SPG7: variants seen among roughly 807,000 people sequenced by gnomAD.
SPG7 encodes the protein SPG7 matrix AAA peptidase subunit, paraplegin, also known as mitochondrial inner membrane m-AAA protease component paraplegin.
SPG7 carries 103 observed loss-of-function variants against 81.9 expected under a neutral mutation model. That is an observed-to-expected ratio of 1.26 (90% CI 1.07 to 1.48). The LOEUF (loss-of-function observed/expected upper bound fraction) is 1.48. SPG7 is among the 40% of genes most tolerant of loss of function. SPG7 has a pLI of 0.00. For synonymous variants in SPG7, 534 were observed against 444.2 expected, an observed-to-expected ratio of 1.20 and a Z score of -2.54; for missense variants, 1,241 against 1,087.3, an observed-to-expected ratio of 1.14 and a Z score of -1.99.
At chr16:89,532,149 T>C in intron 8 of SPG7, 83 bp downstream of exon 8, 1 of 1,456,470 alleles carries the variant, frequency 6.9e-7, no homozygotes, top group Non-Finnish European at 9.5e-7. Flanking sequence ...GTGTCTGGAC[T>C]GAAAGGGACA....
intron 4 of SPG7, among the ~76,000 whole-genome samples, chr16:89,524,635 G>A (rs529180342): frequency 6.6e-6 from 1 of 151,964 alleles, no homozygotes; most frequent in Non-Finnish European, 1.5e-5. Flanking sequence ...GTAGAGATGG[G>A]GTTTCTCCAT....
intron 2 of SPG7, among the ~76,000 whole-genome samples, chr16:89,511,080 A>G (rs1267935224): frequency 2.6e-5 from 4 of 152,150 alleles, no homozygotes; most frequent in Non-Finnish European, 1.5e-5. Context: ...TCAAGCGATC[A>G]GCCTGCCTTG....
intron 5 of SPG7, chr16:89,529,158 A>G (rs1260654129): frequency 2.5e-6 from 1 of 392,410 alleles, no homozygotes; most frequent in African/African-American, 2.1e-5. Flanking sequence ...GCCTGATTGA[A>G]GCTGATCGCT....
chr16:89,542,885 T>TTCTTACATTAGTCACGGTAGATCCTGC (rs1567924332), intron 9 of SPG7: 6 of 151,060 alleles, frequency 4.0e-5, no homozygotes, highest in Admixed American at 6.6e-5. Flanking sequence ...TATTAAGGGT[T>TTCTTACATTAGTCACGGTAGATCCTGC]TCTTACATTA....
At chr16:89,556,444 A>G (rs1369670280) in intron 16 of SPG7, 19 of 304,708 alleles carry the variant, frequency 6.2e-5, no homozygotes, top group Non-Finnish European at 9.8e-5. Context: ...CGGTGTCTCA[A>G]GTGTTTTCCA....
chr16:89,537,706 A>C (rs1178686663), intron 9 of SPG7: 1 of 984,864 alleles, frequency 1.0e-6, no homozygotes, highest in Non-Finnish European at 1.2e-6. Flanking sequence ...TGAAAAATAA[A>C]GTCATCAGCA....
At chr16:89,545,966 G>C (rs980244042) in intron 10 of SPG7, 1 of 446,868 alleles carries the variant, frequency 2.2e-6, no homozygotes, top group Non-Finnish European at 4.5e-6. Flanking sequence ...TGAGGAGCTA[G>C]GACTACTATG....
chr16:89,532,841 T>G, intron 9 of SPG7: 1 of 612,878 alleles, frequency 1.6e-6, no homozygotes, highest in Non-Finnish European at 2.9e-6. Flanking sequence ...CCCAGCACTT[T>G]GGGAGGCCAA....
intron 5 of SPG7, chr16:89,529,110 C>A: frequency 2.9e-6 from 1 of 348,630 alleles, no homozygotes; most frequent in Admixed American, 4.0e-5. Context: ...CCGCGCCCGG[C>A]CTGAGATTTG....
chr16:89,531,189 G>T (rs985769417), intron 7 of SPG7: 3 of 361,496 alleles, frequency 8.3e-6, no homozygotes, highest in African/African-American at 4.2e-5. Flanking sequence ...TGGTACGGTG[G>T]GTCGCACCTG....
Position 89,546,663 on chromosome 16 carries a change from G to A in SPG7, c.1455G>A (p.Arg485=). ...VFIDLPTLQE[R]REIFEQHLKS... is the part of the protein sequence containing the mutation. ...TCCTCCCCTGGTTCTGGCAGGAGAG[G>A]CGGGAGATTTTTGAGCAGCACCTGA... The change falls in exon 11 of 17, where the codon AGG becomes AGA. Residue 485 remains arginine (R), a synonymous_variant. Transcript: ENST00000645818. The A allele has an allele frequency of 1.9e-6, 3 of 1,610,926 alleles. No homozygotes were observed. The highest frequency in any genetic ancestry group is 2.5e-6 in the Non-Finnish European group (3 of 1,177,220).
At chr16:89,556,221 T>C in intron 16 of SPG7, 1 of 399,376 alleles carries the variant, frequency 2.5e-6, no homozygotes, top group Non-Finnish European at 4.4e-6. Context: ...TCTCTTGCAA[T>C]ACAGCCACAG....
In SPG7 at chr16:89,508,406, T is replaced by C; in HGVS notation, c.-12T>C. ...GCCCCGCGGATCACGCAGGCGCGGC[T>C]TTCAGGCCAACATGGCCGTGCTGCT... is the stretch of plus-strand genomic sequence containing the variant. On this transcript the variant is annotated 5_prime_UTR_variant, in exon 1 of 17. Transcript: ENST00000645818. 6.8e-7 allele frequency: 1 copy of C among 1,477,110 alleles called. No individual in the cohort carries two copies. The highest frequency in any genetic ancestry group is 8.9e-7 in the Non-Finnish European group (1 of 1,120,310). The allele number at this position is 1,477,110 out of a possible 1,614,324, so 91.5% of individuals were successfully genotyped here. A position where few individuals can be genotyped will look rare whatever the true frequency, so the allele number is the denominator to read the frequency against.
intron 9 of SPG7, chr16:89,543,640 C>T (rs1280383805): frequency 6.9e-6 from 1 of 144,352 alleles, no homozygotes; most frequent in Non-Finnish European, 1.5e-5. Context: ...ATCTGGCCAC[C>T]AGTGGATTCT....
At chr16:89,525,372 T>C (rs1293622401) in intron 4 of SPG7, among the ~76,000 whole-genome samples, 1 of 152,230 alleles carries the variant, frequency 6.6e-6, no homozygotes, top group Non-Finnish European at 1.5e-5. Flanking sequence ...GATGCCTGAT[T>C]ATTTCAGTCT....
At position 89,546,825 on chromosome 16, in the gene SPG7, A is replaced by C. The variant is rs461405; in HGVS notation, c.1552+65A>C. ...GAGGGCAGGTGGTGTCACCTGCGCA[A>C]ACAGCATCGAGGCCTCCTCTGTGGG... is the stretch of plus-strand genomic sequence containing the variant. On this transcript the variant is annotated intron_variant, in intron 11 of 16. Transcript: ENST00000645818. The C allele has an allele frequency of 0.2, 207,462 of 1,062,552 alleles. 20,958 individuals are homozygous for C. Among genetic ancestry groups the C allele is most frequent in the South Asian group, 0.23 (18,137 of 80,122 alleles). The allele number at this position is 1,062,552 out of a possible 1,614,324, so 65.8% of individuals were successfully genotyped here.
intron 7 of SPG7, 109 bp from the exon 8 acceptor site, chr16:89,531,795 A>G (rs2058345840): frequency 4.6e-6 from 5 of 1,090,080 alleles, no homozygotes; most frequent in South Asian, 3.9e-5. Context: ...GTGAGCTATC[A>G]TGGCACCCAC....
rs1192219264 is a variant in SPG7 at position 89,524,214 on chromosome 16, C to T, written c.585C>T (p.Tyr195=). 6.2e-7 allele frequency: 1 copy of T among 1,613,200 alleles called. No homozygotes were observed. Among genetic ancestry groups the T allele is most frequent in the East Asian group, 2.2e-5 (1 of 44,870 alleles). Residue 195 remains tyrosine, a synonymous_variant, in exon 4 of 17, where the codon TAC becomes TAT. Transcript: ENST00000645818. ...CTGAGAGCGACGTGGTGGAAGTCTA[C>T]CTGCACCCTGGAGCCGTGGTGTTTG... ...VVPESDVVEV[Y]LHPGAVVFGR...
intron 3 of SPG7, chr16:89,523,548 G>C: frequency 2.7e-6 from 1 of 367,444 alleles, no homozygotes; most frequent in Non-Finnish European, 5.4e-6. Context: ...CAGCAGGAGA[G>C]CTGACTGCAT....
Sources: allele counts gnomAD v4.1 joint callset (sites outside exome capture counted in the v4.1 genomes callset), GRCh38; gene constraint gnomAD v4.1.1; transcripts MANE v1.5; gene names NCBI Gene and HGNC (gene_info 2026-07-23, HGNC 2026-07-21).